Variants in RDH10 observed in about 807,000 individuals in gnomAD.
The protein encoded by RDH10 is retinol dehydrogenase 10 (all-trans).
Under a neutral mutation model 30.2 loss-of-function variants are expected in RDH10, and 12 were observed. That is an observed-to-expected ratio of 0.40 (90% CI 0.25 to 0.64). The LOEUF is 0.64. RDH10 is among the 30% of genes least tolerant of loss of function. The pLI is 0.43. For synonymous variants in RDH10, 189 were observed against 172.2 expected (o/e 1.10, Z -0.76); for missense variants, 268 against 445.2 (o/e 0.60, Z 3.58).
intron 2 of RDH10, among the ~76,000 whole-genome samples, chr8:73,313,596 G>A (rs1299646816): frequency 6.6e-6 from 1 of 152,022 alleles, no homozygotes; most frequent in African/African-American, 2.4e-5. Context: ...GTTATTAAAA[G>A]TTTTCTCTTT....
intron 2 of RDH10, among the ~76,000 whole-genome samples, chr8:73,308,947 A>G (rs557742721): frequency 1.3e-5 from 2 of 152,318 alleles, no homozygotes; most frequent in African/African-American, 4.8e-5. Context: ...CCACAGCAGC[A>G]CCACCTAACT....
chr8:73,322,983 A>C lies in RDH10; in HGVS notation c.973A>C (p.Ile325Leu). The change falls in exon 6 of 6, where the codon ATT becomes CTT. Residue 325 changes from isoleucine to leucine, a missense_variant. Coordinates refer to ENST00000240285, the MANE Select transcript of RDH10 (RefSeq NM_172037.5). ...LGADKCMYPF[I>L]AQRKQATNNN... ...AGCGGACAAGTGTATGTACCCCTTT[A>C]TTGCTCAAAGAAAGCAAGCCACAAA... 6.2e-7 allele frequency: 1 copy of C among 1,613,806 alleles called. No homozygotes were observed. Among genetic ancestry groups the C allele is most frequent in the Middle Eastern group, 1.6e-4 (1 of 6,062 alleles).
In RDH10 at chr8:73,295,405, G is replaced by A; in HGVS notation, c.116G>A (p.Cys39Tyr). Reference protein sequence around the residue: ...PKEKSVAGQVCLITGAGSGLG... With the variant: ...PKEKSVAGQVYLITGAGSGLG... Reference sequence around the variant, plus strand: ...GAGAAGAGCGTGGCGGGCCAGGTGTGCCTCATCACCGGCGCCGGCAGCGGC... The same window carrying A: ...GAGAAGAGCGTGGCGGGCCAGGTGTACCTCATCACCGGCGCCGGCAGCGGC... The change falls in exon 1 of 6, where the codon TGC (cysteine) becomes TAC (tyrosine). Residue 39 changes from cysteine to tyrosine, a missense_variant. Physicochemically the swap from Cys to Tyr is radical, Grantham distance 194. This residue lies in a region of RDH10 where 42 missense variants were observed against 77.6 expected (regional missense o/e 0.54). Transcript: ENST00000240285. 6.5e-7 allele frequency: 1 copy of A among 1,550,032 alleles called. No individual in the cohort carries two copies. Among genetic ancestry groups the A allele is most frequent in the Non-Finnish European group, 8.7e-7 (1 of 1,148,934 alleles).
intron 2 of RDH10, among the ~76,000 whole-genome samples, chr8:73,318,220 A>ATT (rs201804539): frequency 3.3e-4 from 49 of 147,628 alleles, no homozygotes; most frequent in African/African-American, 1.1e-3. Flanking sequence ...ATTTGAAGTA[A>ATT]TTTTTTTTTT....
chr8:73,322,076 A>C (rs1814781719), intron 4 of RDH10: 1 of 443,572 alleles, frequency 2.3e-6, no homozygotes, highest in Non-Finnish European at 4.6e-6. Flanking sequence ...CAGCAGGTGC[A>C]GGGGTCCAAA....
At chr8:73,319,377 A>G (rs375935059) in intron 3 of RDH10, among the ~76,000 whole-genome samples, 183 bp downstream of exon 3, 5 of 152,260 alleles carry the variant, frequency 3.3e-5, no homozygotes, top group South Asian at 2.1e-4. Flanking sequence ...ATGGAATTCT[A>G]TGTCAGGTGT....
intron 2 of RDH10, among the ~76,000 whole-genome samples, chr8:73,307,330 G>A (rs1029932463): frequency 6.6e-6 from 1 of 152,162 alleles, no homozygotes. Context: ...GTTTTAACCA[G>A]AATATGGTCT....
rs767683853 is a variant in RDH10 at position 73,324,849 on chromosome 8, T to C, written c.*1813T>C. On this transcript the variant is annotated 3_prime_UTR_variant, in exon 6 of 6. Coordinates refer to ENST00000240285, the MANE Select transcript of RDH10 (RefSeq NM_172037.5). ...ATCAAATCTGCACTGTGTCTACATA[T>C]AGGAAAGGTCCTGGTGTGTGCTAAT... The C allele has an allele frequency of 6.6e-5, 10 of 152,194 alleles. No homozygotes were observed. The highest frequency in any genetic ancestry group is 1.7e-4 in the African/African-American group (7 of 41,444). The allele number at this position is 152,194 out of a possible 1,614,324, so 9.4% of individuals were successfully genotyped here.
At chr8:73,304,608 A>G (rs1216533356) in intron 2 of RDH10, among the ~76,000 whole-genome samples, 3 of 152,042 alleles carry the variant, frequency 2.0e-5, no homozygotes, top group African/African-American at 7.2e-5. Context: ...GTCAGCACCT[A>G]TTTATCCCCT....
intron 2 of RDH10, chr8:73,297,686 C>A: frequency 5.8e-6 from 2 of 344,974 alleles, no homozygotes; most frequent in African/African-American, 2.3e-5. Flanking sequence ...TGAAAGATTG[C>A]CATAAAAATA....
chr8:73,295,368 G>A lies in RDH10; in HGVS notation c.79G>A (p.Val27Met), dbSNP rs533195986. Residue 27 changes from valine to methionine, a missense_variant, in exon 1 of 6, where the codon GTG becomes ATG. Coordinates refer to ENST00000240285, the MANE Select transcript of RDH10 (RefSeq NM_172037.5). ...CGTGCTGGCCGCGGCGCGCTGGCTGGTGCGGCCCAAGGAGAAGAGCGTGGC... is the reference window on the plus strand; with the variant it reads ...CGTGCTGGCCGCGGCGCGCTGGCTGATGCGGCCCAAGGAGAAGAGCGTGGC... ...AFVLAAARWL[V>M]RPKEKSVAGQ... The A allele has an allele frequency of 1.9e-5, 29 of 1,559,096 alleles. No homozygotes were observed. In the African/African-American group the frequency reaches 3.5e-4, roughly 19 times the overall value.
At position 73,297,357 on chromosome 8, in the gene RDH10, G is replaced by A. The variant is rs1354947658; in HGVS notation, c.453G>A (p.Gly151=). 4 of 1,614,020 alleles carry A rather than the reference G, an allele frequency of 2.5e-6. No individual in the cohort carries two copies. Among genetic ancestry groups the A allele is most frequent in the African/African-American group, 2.7e-5 (2 of 74,936 alleles). ...TCAATAATGCTGGTGTGGTCTCTGG[G>A]CATCACCTTCTGGAATGTCCTGATG... ...VLVNNAGVVS[G]HHLLECPDEL... is the part of the protein sequence containing the mutation. The change falls in exon 2 of 6, where the codon GGG becomes GGA. Residue 151 remains glycine (G), a synonymous_variant. Transcript: ENST00000240285.
chr8:73,300,946 A>G (rs1491001750), intron 2 of RDH10, among the ~76,000 whole-genome samples: 1 of 150,590 alleles, frequency 6.6e-6, no homozygotes, highest in Non-Finnish European at 1.5e-5. Context: ...CTCTCACAGC[A>G]TTTGTTATCA....
At chr8:73,315,156 CT>C (rs1814637550) in intron 2 of RDH10, among the ~76,000 whole-genome samples, 1 of 127,828 alleles carries the variant, frequency 7.8e-6, no homozygotes, top group Non-Finnish European at 1.7e-5. Flanking sequence ...CTCTCTCTCT[CT>C]CTCCCCCCAC....
intron 2 of RDH10, among the ~76,000 whole-genome samples, chr8:73,314,628 G>GT (rs1814627958): frequency 6.6e-6 from 1 of 152,188 alleles, no homozygotes. Context: ...GCAGAGCTGA[G>GT]TAAATGTTTG....
At position 73,295,024 on chromosome 8, in the gene RDH10, C is replaced by CT. The variant is rs1814230889; in HGVS notation, c.-265dup. 1 of 361,916 alleles carries CT rather than the reference C, an allele frequency of 2.8e-6. No homozygotes were observed. Among genetic ancestry groups the CT allele is most frequent in the African/African-American group, 2.1e-5 (1 of 46,968 alleles). 22.4% of individuals were successfully genotyped at this position (361,916 alleles called of 1,614,324 possible). Reference sequence around the variant, plus strand: ...CGGGCGCTGCGGGACGGGCGGGCGGCTGCCGGCAGGAGGCGCCGAGCCGGG... The same window carrying CT: ...CGGGCGCTGCGGGACGGGCGGGCGGCTTGCCGGCAGGAGGCGCCGAGCCGGG... On this transcript the variant is annotated 5_prime_UTR_variant, in exon 1 of 6. Coordinates refer to ENST00000240285, the MANE Select transcript of RDH10 (RefSeq NM_172037.5).
At chr8:73,317,127 G>A (rs1384330588) in intron 2 of RDH10, among the ~76,000 whole-genome samples, 3 of 152,166 alleles carry the variant, frequency 2.0e-5, no homozygotes, top group Non-Finnish European at 2.9e-5. Context: ...AGACAAATAA[G>A]TATAAGACAA....
At chr8:73,299,270 GA>G (rs1192584682) in intron 2 of RDH10, among the ~76,000 whole-genome samples, 1 of 152,168 alleles carries the variant, frequency 6.6e-6, no homozygotes, top group African/African-American at 2.4e-5. Context: ...TGGGGGTGGG[GA>G]ACTGAATTAA....
Position 73,297,225 on chromosome 8 carries a change from C to T in RDH10, c.321C>T (p.His107=), listed in dbSNP as rs749338209. The change falls in exon 2 of 6, where the codon CAC becomes CAT. Residue 107 remains histidine (H), a synonymous_variant. Coordinates refer to ENST00000240285, the MANE Select transcript of RDH10 (RefSeq NM_172037.5). ...ATGGTGAGGAAGAAATTCTGCCCCA[C>T]TGTAACTTGCAGGTTTTTACCTACA... ...AGNGEEEILP[H]CNLQVFTYTC... 6.2e-7 allele frequency: 1 copy of T among 1,613,596 alleles called. No homozygotes were observed. Among genetic ancestry groups the T allele is most frequent in the Admixed American group, 1.7e-5 (1 of 60,032 alleles).
Sources: allele counts gnomAD v4.1 joint callset (sites outside exome capture counted in the v4.1 genomes callset), GRCh38; gene constraint gnomAD v4.1.1; regional missense constraint gnomAD v4.1.1; transcripts MANE v1.5; gene names NCBI Gene and HGNC (gene_info 2026-07-23, HGNC 2026-07-21).